Variants in THOC2 observed in about 807,000 individuals in gnomAD.
THOC2 encodes the protein THO complex subunit 2.
A neutral mutation model predicts 128.4 loss-of-function variants in THOC2; 10 were observed. That is an observed-to-expected ratio of 0.08 (90% CI 0.05 to 0.13). The LOEUF is 0.13. Among genes scored for constraint, THOC2 ranks in the 10% least tolerant of loss-of-function variants. The probability of loss-of-function intolerance (pLI) is 1.00; values close to 1 mark genes in which losing one functional copy is unlikely to be tolerated. For missense variants in THOC2, 535 were observed against 1,155.7 expected (o/e 0.46, Z 7.79); for synonymous variants, 393 against 396.9 (o/e 0.99, Z 0.12).
chrX:123,680,593 A>AAAAACACCCACAGGTGC (rs1310894002), intron 8 of THOC2, among the ~76,000 whole-genome samples: 3 of 110,507 alleles, frequency 2.7e-5, no homozygotes, highest in Non-Finnish European at 5.7e-5. Context: ...CCACCTAACG[A>AAAAACACCCACAGGTGC]AAAACACCCA....
chrX:123,662,483 G>C (rs768010288), intron 12 of THOC2, among the ~76,000 whole-genome samples: 7 of 107,990 alleles, frequency 6.5e-5, no homozygotes, highest in Admixed American at 2.0e-4. Context: ...AGCTACTCGG[G>C]AGGCTGAGGC....
chrX:123,658,145 A>G (rs1435770104), intron 12 of THOC2, among the ~76,000 whole-genome samples: 1 of 111,103 alleles, frequency 9.0e-6, no homozygotes, highest in Non-Finnish European at 1.9e-5. Flanking sequence ...GTAAATGTAC[A>G]TTGCAAACTG....
At chrX:123,604,614 C>T (rs1000503087) in intron 38 of THOC2, among the ~76,000 whole-genome samples, 2 of 111,452 alleles carry the variant, frequency 1.8e-5, no homozygotes, top group Admixed American at 1.9e-4. Context: ...TAAAACCAGC[C>T]TTCTTAACAG....
chrX:123,663,538 T>TA (rs5903644), intron 12 of THOC2, among the ~76,000 whole-genome samples: 35,214 of 100,705 alleles, frequency 0.35, 5,026 homozygotes, highest in Middle Eastern at 0.48. Flanking sequence ...CTGATTTTTT[T>TA]AAAAAAAAAA....
chrX:123,725,205 T>G (rs1256678947), intron 1 of THOC2, among the ~76,000 whole-genome samples: 1 of 111,416 alleles, frequency 9.0e-6, no homozygotes, highest in African/African-American at 3.3e-5. Flanking sequence ...CTGGTTTAAG[T>G]TTGATCCCAA....
chrX:123,678,947 C>T lies in THOC2; in HGVS notation c.769-7186G>A, dbSNP rs776811747. 3.6e-5 allele frequency among the ~76,000 whole-genome samples: 4 copies of T among 111,037 alleles called. No homozygotes were observed. In the East Asian group the frequency reaches 1.1e-3, roughly 32 times the overall value. On this transcript the variant is annotated intron_variant, in intron 8 of 38. Coordinates refer to ENST00000245838, the MANE Select transcript of THOC2 (RefSeq NM_001081550.2). ...GCCTTTATACCTGTTATGATAAACT[C>T]TCTATCCTCCTATATCAAGTTAATC...
At chrX:123,716,059 G>GA (rs981586387) in intron 1 of THOC2, among the ~76,000 whole-genome samples, 3 of 111,152 alleles carry the variant, frequency 2.7e-5, no homozygotes, top group Non-Finnish European at 5.7e-5. Context: ...AAACACAGAT[G>GA]AAAAAATCCT....
chrX:123,657,644 TA>T (rs57459853), intron 12 of THOC2, among the ~76,000 whole-genome samples: 20 of 102,302 alleles, frequency 2.0e-4, no homozygotes, highest in East Asian at 3.1e-4. Flanking sequence ...AGTGTTAAGA[TA>T]AAAAAAAAAA....
intron 33 of THOC2, among the ~76,000 whole-genome samples, chrX:123,616,926 G>C (rs1403391599): frequency 9.1e-6 from 1 of 110,494 alleles, no homozygotes; most frequent in East Asian, 2.8e-4. Context: ...GAATCCCACA[G>C]AAAACGCATA....
intron 1 of THOC2, among the ~76,000 whole-genome samples, chrX:123,723,950 A>T (rs892115071): frequency 9.0e-6 from 1 of 111,673 alleles, no homozygotes; most frequent in African/African-American, 3.3e-5. Context: ...GGTGCATCTT[A>T]CAGTGATTAT....
Position 123,636,100 on chromosome X carries a change from T to C in THOC2, c.1997A>G (p.Asn666Ser). Residue 666 changes from asparagine (N) to serine (S), a missense_variant, in exon 19 of 39, where the codon AAT becomes AGT. Coordinates refer to ENST00000245838, the MANE Select transcript of THOC2 (RefSeq NM_001081550.2). ...ATACCTTTTGCCCGCCTTTAGCTGATTGGCAACATACTGAAGAAGACCAGC... is the reference window on the plus strand; with the variant it reads ...ATACCTTTTGCCCGCCTTTAGCTGACTGGCAACATACTGAAGAAGACCAGC... Reference protein sequence around the residue: ...DLAGLLQYVANQLKAGKSFDL... With the variant: ...DLAGLLQYVASQLKAGKSFDL... 8.3e-7 allele frequency: 1 copy of C among 1,209,084 alleles called. No individual in the cohort carries two copies. The highest frequency in any genetic ancestry group is 1.1e-6 in the Non-Finnish European group (1 of 894,212).
At chrX:123,722,456 C>G (rs2051744538) in intron 1 of THOC2, among the ~76,000 whole-genome samples, 1 of 111,065 alleles carries the variant, frequency 9.0e-6, no homozygotes, top group Admixed American at 9.6e-5. Context: ...TCTCAGCAAA[C>G]TAACACAGGA....
In THOC2 at chrX:123,622,853, T is replaced by G; in HGVS notation, c.3690A>C (p.Ser1230=). 8.5e-7 allele frequency: 1 copy of G among 1,176,107 alleles called. No individual in the cohort carries two copies. The highest frequency in any genetic ancestry group is 1.2e-6 in the Non-Finnish European group (1 of 869,077). Residue 1230 remains serine, a synonymous_variant, in exon 30 of 39, where the codon TCA becomes TCC. Coordinates refer to ENST00000245838, the MANE Select transcript of THOC2 (RefSeq NM_001081550.2). ...DESSTEETDK[S]RERSQCGVKA... is the part of the protein sequence containing the mutation. ...TCACACCACACTGAGATCTCTCCCT[T>G]GATTTATCTGAAATAAAAGTAAGGT...
chrX:123,639,548 A>G (rs1284484987), intron 16 of THOC2, among the ~76,000 whole-genome samples: 5 of 111,540 alleles, frequency 4.5e-5, no homozygotes, highest in Non-Finnish European at 9.4e-5. Context: ...CAGCTTGAAC[A>G]TTATTGGTAC....
intron 12 of THOC2, among the ~76,000 whole-genome samples, chrX:123,663,892 G>A (rs1286275103): frequency 3.6e-5 from 4 of 111,213 alleles, no homozygotes; most frequent in Non-Finnish European, 7.5e-5. Flanking sequence ...GTCCTTGTGA[G>A]TTTGCTGAGA....
chrX:123,616,458 G>C (rs1037152265), intron 33 of THOC2, among the ~76,000 whole-genome samples: 1 of 110,887 alleles, frequency 9.0e-6, no homozygotes, highest in Non-Finnish European at 1.9e-5. Flanking sequence ...AAAAGAATTT[G>C]ACTGATTTTC....
chrX:123,673,570 T>C (rs2049367027), intron 8 of THOC2, among the ~76,000 whole-genome samples: 1 of 111,636 alleles, frequency 9.0e-6, no homozygotes, highest in South Asian at 3.8e-4. Context: ...CACACTCTCA[T>C]CCACATACTG....
intron 15 of THOC2, among the ~76,000 whole-genome samples, chrX:123,642,849 G>C (rs1188245568): frequency 9.0e-6 from 1 of 111,084 alleles, no homozygotes; most frequent in Admixed American, 9.6e-5. Flanking sequence ...TCCTTGAGGG[G>C]AAGAACTGAG....
At chrX:123,625,303 T>C (rs1242934985) in intron 25 of THOC2, among the ~76,000 whole-genome samples, 1 of 111,016 alleles carries the variant, frequency 9.0e-6, no homozygotes, top group Non-Finnish European at 1.9e-5. Context: ...TTTCACCATG[T>C]TAGCCAGGAT....
Sources: allele counts gnomAD v4.1 joint callset (sites outside exome capture counted in the v4.1 genomes callset), GRCh38; gene constraint gnomAD v4.1.1; transcripts MANE v1.5; gene names NCBI Gene and HGNC (gene_info 2026-07-23, HGNC 2026-07-21).